Variants in PCDHGA8 observed in about 807,000 individuals in gnomAD.
PCDHGA8 encodes the protein protocadherin gamma-A8.
In PCDHGA8, 45 loss-of-function variants were observed where a neutral mutation model predicts 59.2. The observed-to-expected ratio is 0.76, with a 90% CI of 0.60 to 0.98. The LOEUF (loss-of-function observed/expected upper bound fraction) is 0.98. PCDHGA8 is among the 50% of genes least tolerant of loss of function. The pLI is 0.00. For synonymous variants in PCDHGA8, 531 were observed against 519.0 expected, an observed-to-expected ratio of 1.02 and a Z score of -0.32; for missense variants, 1,257 against 1,196.2, an observed-to-expected ratio of 1.05 and a Z score of -0.75.
intron 2 of PCDHGA8, among the ~76,000 whole-genome samples, chr5:141,498,710 T>C (rs2099785302): frequency 1.3e-5 from 2 of 152,108 alleles, no homozygotes. Flanking sequence ...GGTGGGTGGA[T>C]CACCTGAGGT....
In PCDHGA8 at chr5:141,394,779, G is replaced by A. The variant is rs1561651112; in HGVS notation, c.1966G>A (p.Ala656Thr). Residue 656 changes from alanine to threonine, a missense_variant, in exon 1 of 4, where the codon GCC becomes ACC. Transcript: ENST00000398604. ...GGACCATGGCCAGCCCCCTCTCTCC[G>A]CCACTGTCACGCTCACCGTAGCCGT... is the stretch of plus-strand genomic sequence containing the variant. ...VQDHGQPPLSATVTLTVAVAD... is the reference protein window; with the variant it reads ...VQDHGQPPLSTTVTLTVAVAD... The A allele has an allele frequency of 6.2e-7, 1 of 1,613,590 alleles. No individual in the cohort carries two copies. Among genetic ancestry groups the A allele is most frequent in the Admixed American group, 1.7e-5 (1 of 60,024 alleles).
At chr5:141,418,095 C>A (rs1246996867) in intron 1 of PCDHGA8, 1 of 1,614,006 alleles carries the variant, frequency 6.2e-7, no homozygotes, top group Middle Eastern at 1.7e-4. Context: ...AGCGTAGACG[C>A]GCAGAGCGGG....
chr5:141,472,750 C>T (rs967243815), intron 1 of PCDHGA8, among the ~76,000 whole-genome samples: 3 of 151,882 alleles, frequency 2.0e-5, no homozygotes, highest in Non-Finnish European at 2.9e-5. Context: ...CTTTGGGAGG[C>T]GGAGGCTGGC....
In PCDHGA8 at chr5:141,431,048, A is replaced by G; in HGVS notation, c.2424+35811A>G. The G allele has an allele frequency of 6.2e-7, 1 of 1,614,180 alleles. No homozygotes were observed. Among genetic ancestry groups the G allele is most frequent in the Non-Finnish European group, 8.5e-7 (1 of 1,180,018 alleles). The stretch of plus-strand genomic sequence containing the variant: ...CAGGATAGACCGGGAGGAGCTCTGT[A>G]TGGGGGCCATCAAGTGTCAATTAAA... On this transcript the variant is annotated intron_variant, in intron 1 of 3. Coordinates refer to ENST00000398604, the MANE Select transcript of PCDHGA8 (RefSeq NM_032088.2). This position sits in a 1 kb window ranked among gnomAD's most constrained non-coding sequence, Gnocchi z 4.8.
intron 1 of PCDHGA8, chr5:141,427,887 C>T (rs759734297): frequency 3.8e-6 from 6 of 1,565,908 alleles, no homozygotes; most frequent in South Asian, 1.1e-5. Flanking sequence ...GGCCCACGAC[C>T]AGGGCTCGCC....
intron 1 of PCDHGA8, chr5:141,423,750 TGGGG>T: frequency 7.0e-5 from 20 of 287,406 alleles, no homozygotes; most frequent in Non-Finnish European, 9.0e-5. Context: ...GAAAACTGTT[TGGGG>T]GGGGGGTGGG....
At chr5:141,421,300 C>A (rs377161386) in intron 1 of PCDHGA8, 2 of 1,613,320 alleles carry the variant, frequency 1.2e-6, no homozygotes, top group African/African-American at 1.3e-5. Context: ...GGGGACGCTG[C>A]GGGGGTTCCG....
chr5:141,465,142 T>TCCCTAA (rs2099097979), intron 1 of PCDHGA8, among the ~76,000 whole-genome samples: 3 of 151,990 alleles, frequency 2.0e-5, no homozygotes, highest in Non-Finnish European at 4.4e-5. Flanking sequence ...GTTTAGGGGA[T>TCCCTAA]ATATGAAGGG....
chr5:141,442,227 T>G (rs953690152), intron 1 of PCDHGA8: 16 of 153,240 alleles, frequency 1.0e-4, no homozygotes, highest in African/African-American at 3.6e-4. Context: ...TTAATTTCCT[T>G]TTTATTCTTC....
At chr5:141,498,231 A>T (rs1213697084) in intron 2 of PCDHGA8, among the ~76,000 whole-genome samples, 1 of 152,268 alleles carries the variant, frequency 6.6e-6, no homozygotes, top group East Asian at 1.9e-4. Flanking sequence ...ATGGTCAGGC[A>T]TACCAGCTTC....
At chr5:141,437,013 A>G (rs570721163) in intron 1 of PCDHGA8, among the ~76,000 whole-genome samples, 146 of 152,354 alleles carry the variant, frequency 9.6e-4, no homozygotes, top group Non-Finnish European at 1.2e-3. Flanking sequence ...ATCTTAGATA[A>G]TTTCACCAGA....
chr5:141,409,872 A>G (rs1283725014), intron 1 of PCDHGA8: 1 of 1,612,710 alleles, frequency 6.2e-7, no homozygotes, highest in Non-Finnish European at 8.5e-7. Flanking sequence ...GACCGCAATG[A>G]CAACGCACCG....
At chr5:141,419,504 C>A in intron 1 of PCDHGA8, 1 of 1,612,298 alleles carries the variant, frequency 6.2e-7, no homozygotes, top group Non-Finnish European at 8.5e-7. Flanking sequence ...TGTGAGCCTG[C>A]GCGTGTTGGT....
intron 1 of PCDHGA8, among the ~76,000 whole-genome samples, chr5:141,407,024 A>G (rs909800590): frequency 6.6e-6 from 1 of 152,232 alleles, no homozygotes; most frequent in Non-Finnish European, 1.5e-5. Context: ...TCAAAATTCT[A>G]TGCTAAACAT....
chr5:141,490,480 C>A lies in PCDHGA8; in HGVS notation c.2425-4327C>A, dbSNP rs564439931. ...GCTGCTAACCAGCCAGCCTTTGGAC[C>A]GGGAGGCCACATCCCACTATATCAT... On this transcript the variant is annotated intron_variant, in intron 1 of 3. Transcript: ENST00000398604. The surrounding 1 kb of genome is among the most constrained non-coding windows in gnomAD (Gnocchi z 5.4). 2.5e-5 allele frequency: 40 copies of A among 1,614,076 alleles called. No homozygotes were observed. The highest frequency in any genetic ancestry group is 5.9e-6 in the Non-Finnish European group (7 of 1,180,058).
At position 141,393,894 on chromosome 5, in the gene PCDHGA8, C is replaced by T. The variant is rs201697840; in HGVS notation, c.1081C>T (p.Leu361Phe). The change falls in exon 1 of 4, where the codon CTT (leucine) becomes TTT (phenylalanine). Residue 361 changes from leucine (L) to phenylalanine (F), a missense_variant. Physicochemically the swap from Leu to Phe is conservative, Grantham distance 22 (BLOSUM62 0). Coordinates refer to ENST00000398604, the MANE Select transcript of PCDHGA8 (RefSeq NM_032088.2). Reference sequence around the variant, plus strand: ...GTTTAGCCCAGTGTTAGAAAATTCTCTTCCCGGGACAGTAATTGCCTTCTT... The same window carrying T: ...GTTTAGCCCAGTGTTAGAAAATTCTTTTCCCGGGACAGTAATTGCCTTCTT... ...SLFSPVLENS[L>F]PGTVIAFLSV... The T allele has an allele frequency of 6.2e-7, 1 of 1,614,000 alleles. No homozygotes were observed.
chr5:141,501,636 C>T (rs2099810310), intron 2 of PCDHGA8, among the ~76,000 whole-genome samples: 1 of 152,130 alleles, frequency 6.6e-6, no homozygotes, highest in South Asian at 2.1e-4. Flanking sequence ...CTCAACCTCT[C>T]TGAGCCCTGT....
rs1591094034 is a variant in PCDHGA8 at position 141,431,659 on chromosome 5, A to T, written c.2424+36422A>T. 3.7e-6 allele frequency: 6 copies of T among 1,614,246 alleles called. No individual in the cohort carries two copies. The highest frequency in any genetic ancestry group is 3.4e-6 in the Non-Finnish European group (4 of 1,180,036). On this transcript the variant is annotated intron_variant, in intron 1 of 3. Coordinates refer to ENST00000398604, the MANE Select transcript of PCDHGA8 (RefSeq NM_032088.2). This position sits in a 1 kb window ranked among gnomAD's most constrained non-coding sequence, Gnocchi z 4.8. ...TCAAACTAGATTGTAATTCAGGGAC[A>T]ATATCAACAATAGGGGAGTTGGACC...
At chr5:141,500,877 A>ATT (rs369345007) in intron 2 of PCDHGA8, among the ~76,000 whole-genome samples, 3 of 122,284 alleles carry the variant, frequency 2.5e-5, no homozygotes, top group Admixed American at 2.4e-4. Flanking sequence ...TTCATTTACA[A>ATT]TTTTTTTTTT....
Sources: allele counts gnomAD v4.1 joint callset (sites outside exome capture counted in the v4.1 genomes callset), GRCh38; gene constraint gnomAD v4.1.1; non-coding constraint Gnocchi (gnomAD v3.1); transcripts MANE v1.5; gene names NCBI Gene and HGNC (gene_info 2026-07-23, HGNC 2026-07-21).